Variants in ROR2 observed in about 807,000 individuals in gnomAD.
ROR2 encodes ROR family WNT receptor 2, also known as tyrosine-protein kinase transmembrane receptor ROR2.
Under a neutral mutation model 74.9 loss-of-function variants are expected in ROR2, and 33 were observed. That is an observed-to-expected ratio of 0.44 (90% confidence interval 0.33 to 0.59). The LOEUF is 0.59. Ranked by LOEUF, ROR2 falls within the 20% of genes least tolerant of loss-of-function variation. The probability of loss-of-function intolerance (pLI) is 0.02; values close to 1 mark genes in which losing one functional copy is unlikely to be tolerated. For synonymous variants in ROR2, 586 were observed against 558.7 expected (o/e 1.05, Z -0.69); for missense variants, 1,216 against 1,313.8 (o/e 0.93, Z 1.15).
intron 1 of ROR2, among the ~76,000 whole-genome samples, chr9:91,780,375 T>TA (rs202073940): frequency 2.2e-4 from 26 of 117,004 alleles, no homozygotes; most frequent in African/African-American, 3.6e-4. Context: ...AGACTCCGTC[T>TA]AAAAAAAAAA....
At chr9:91,858,361 A>G (rs1829362835) in intron 1 of ROR2, among the ~76,000 whole-genome samples, 1 of 152,230 alleles carries the variant, frequency 6.6e-6, no homozygotes, top group South Asian at 2.1e-4. Flanking sequence ...ACAGGCACAC[A>G]CACGAACGCA....
At chr9:91,932,587 C>G (rs1045898062) in intron 1 of ROR2, among the ~76,000 whole-genome samples, 1 of 151,620 alleles carries the variant, frequency 6.6e-6, no homozygotes, top group Non-Finnish European at 1.5e-5. Context: ...TCACTTGAAC[C>G]AGGGAGGCGG....
At chr9:91,844,872 G>A (rs1534531) in intron 1 of ROR2, among the ~76,000 whole-genome samples, 40,341 of 152,138 alleles carry the variant, frequency 0.27, 5,734 homozygotes, top group Admixed American at 0.42. Context: ...CCATGGGACA[G>A]GGAAGGCGGG....
rs531873240 is a variant in ROR2, at chr9:91,732,390, A to G, written c.937+732T>C. Among the ~76,000 whole-genome samples, 20 of 152,254 alleles carry G rather than the reference A, an allele frequency of 1.3e-4. No individual in the cohort carries two copies. The South Asian group carries it at 3.7e-3, about 28-fold the overall frequency. ...AGGGGCTGCTGCCAGCAAGAGGGGCAGTGGGGAGCATGCTCTTCGTCCTGT... is the reference window on the plus strand; with the variant it reads ...AGGGGCTGCTGCCAGCAAGAGGGGCGGTGGGGAGCATGCTCTTCGTCCTGT... On this transcript the variant is annotated intron_variant, in intron 6 of 8. Transcript: ENST00000375708.
At chr9:91,748,055 A>G (rs1825484007) in intron 4 of ROR2, among the ~76,000 whole-genome samples, 1 of 152,242 alleles carries the variant, frequency 6.6e-6, no homozygotes, top group Admixed American at 6.5e-5. Flanking sequence ...TGGGGTCAGG[A>G]GTTCGAGATC....
chr9:91,751,314 G>T (rs1487674772), intron 4 of ROR2, among the ~76,000 whole-genome samples: 1 of 152,092 alleles, frequency 6.6e-6, no homozygotes, highest in Non-Finnish European at 1.5e-5. Flanking sequence ...GACTGGAAAG[G>T]TCTCCACATC....
chr9:91,920,810 G>A (rs908145110), intron 1 of ROR2, among the ~76,000 whole-genome samples: 1 of 152,236 alleles, frequency 6.6e-6, no homozygotes, highest in African/African-American at 2.4e-5. Flanking sequence ...CCACTATGGG[G>A]CACAAAGAAA....
Position 91,950,159 on chromosome 9 carries a change from G to A in ROR2, c.-196C>T. 5.5e-6 allele frequency: 2 copies of A among 362,918 alleles called. No homozygotes were observed. The highest frequency in any genetic ancestry group is 9.7e-6 in the Non-Finnish European group (2 of 205,876). 22.5% of individuals were successfully genotyped at this position (362,918 alleles called of 1,614,324 possible). ...CTCGGCTCCGGCCACGGCAAGGGCT[G>A]GCTGGGGAGGTTCCTTGGCGCGGGC... On this transcript the variant is annotated 5_prime_UTR_variant, in exon 1 of 9. Transcript: ENST00000375708.
chr9:91,844,677 C>T (rs1300419064), intron 1 of ROR2, among the ~76,000 whole-genome samples: 2 of 152,118 alleles, frequency 1.3e-5, no homozygotes, highest in Non-Finnish European at 1.5e-5. Context: ...CCCATACTGG[C>T]GGGATGTTGT....
At chr9:91,845,701 G>A (rs189184391) in intron 1 of ROR2, among the ~76,000 whole-genome samples, 2 of 151,814 alleles carry the variant, frequency 1.3e-5, no homozygotes, top group Admixed American at 1.3e-4. Flanking sequence ...GGCCAACATG[G>A]CGAAACCCCA....
At chr9:91,813,105 G>A (rs1287439642) in intron 1 of ROR2, among the ~76,000 whole-genome samples, 1 of 151,974 alleles carries the variant, frequency 6.6e-6, no homozygotes, top group Non-Finnish European at 1.5e-5. Flanking sequence ...CCACCTAGGT[G>A]ACATTTACTT....
At position 91,733,037 on chromosome 9, in the gene ROR2, G is replaced by A. The variant is rs1837298856; in HGVS notation, c.937+85C>T. On this transcript the variant is annotated intron_variant, in intron 6 of 8. Transcript: ENST00000375708. The surrounding 1 kb of genome is among the most constrained non-coding windows in gnomAD (Gnocchi z 5.7). ...GGGCCTGGACAGATGGGGCTCCCTG[G>A]GCTTCACCGACACCCCCATACACAT... 7.5e-7 allele frequency: 1 copy of A among 1,334,256 alleles called. No individual in the cohort carries two copies. The highest frequency in any genetic ancestry group is 1.5e-5 in the African/African-American group (1 of 68,650). 82.7% of individuals were successfully genotyped at this position (1,334,256 alleles called of 1,614,324 possible).
intron 2 of ROR2, among the ~76,000 whole-genome samples, chr9:91,758,246 A>C (rs2118855040): frequency 6.6e-6 from 1 of 152,340 alleles, no homozygotes; most frequent in South Asian, 2.1e-4. Flanking sequence ...TTTGGAGGTT[A>C]CAAATAGACT....
intron 1 of ROR2, among the ~76,000 whole-genome samples, chr9:91,915,579 C>T (rs993610354): frequency 2.7e-5 from 4 of 150,084 alleles, no homozygotes; most frequent in Admixed American, 6.7e-5. Flanking sequence ...TTGTGAAGAG[C>T]GAAAGAACAA....
chr9:91,833,977 G>A (rs1222760925), intron 1 of ROR2, among the ~76,000 whole-genome samples: 1 of 152,182 alleles, frequency 6.6e-6, no homozygotes, highest in Non-Finnish European at 1.5e-5. Flanking sequence ...CTGAGGTCAG[G>A]GATGGTTCCA....
intron 1 of ROR2, among the ~76,000 whole-genome samples, chr9:91,843,651 A>G (rs781068804): frequency 6.6e-6 from 1 of 152,218 alleles, no homozygotes; most frequent in Non-Finnish European, 1.5e-5. Context: ...CCACACAACT[A>G]CAGTTCCTCC....
At chr9:91,843,151 T>G (rs2119221675) in intron 1 of ROR2, among the ~76,000 whole-genome samples, 1 of 152,318 alleles carries the variant, frequency 6.6e-6, no homozygotes, top group African/African-American at 2.4e-5. Flanking sequence ...GAGCAGCCAG[T>G]TATCCAGGGA....
In ROR2 at chr9:91,726,680, A is replaced by C; in HGVS notation, c.1247T>G (p.Leu416Arg). Reference protein sequence around the residue: ...YILVPSIAIPLVIACLFFLVC... With the variant: ...YILVPSIAIPRVIACLFFLVC... ...CAAGAAGAAAAGGCAAGCGATGACC[A>C]GTGGAATTGCGATGCTGGGGACCAA... Residue 416 changes from leucine to arginine, a missense_variant, in exon 8 of 9, where the codon CTG (leucine) becomes CGG (arginine). Coordinates refer to ENST00000375708, the MANE Select transcript of ROR2 (RefSeq NM_004560.4). 6.2e-7 allele frequency: 1 copy of C among 1,614,010 alleles called. No individual in the cohort carries two copies. Among genetic ancestry groups the C allele is most frequent in the Non-Finnish European group, 8.5e-7 (1 of 1,180,008 alleles).
intron 1 of ROR2, among the ~76,000 whole-genome samples, chr9:91,790,420 T>A (rs1425669904): frequency 6.6e-6 from 1 of 150,476 alleles, no homozygotes; most frequent in Non-Finnish European, 1.5e-5. Context: ...TGAGGCAGAA[T>A]AATCGCTTGA....
Sources: allele counts gnomAD v4.1 joint callset (sites outside exome capture counted in the v4.1 genomes callset), GRCh38; gene constraint gnomAD v4.1.1; non-coding constraint Gnocchi (gnomAD v3.1); transcripts MANE v1.5; gene names NCBI Gene and HGNC (gene_info 2026-07-23, HGNC 2026-07-21).